Variants in PSG6 observed in about 807,000 individuals in gnomAD.
PSG6 encodes the protein pregnancy specific beta-1-glycoprotein 6.
Under a neutral mutation model 43.3 loss-of-function variants are expected in PSG6, and 51 were observed. The observed-to-expected ratio is 1.18, with a 90% CI of 0.94 to 1.49. The LOEUF (loss-of-function observed/expected upper bound fraction) is 1.49. Ranked by LOEUF, PSG6 falls within the 40% of genes most tolerant of loss-of-function variation. The probability of loss-of-function intolerance (pLI) is 0.00; values close to 1 mark genes in which losing one functional copy is unlikely to be tolerated. For missense variants in PSG6, 770 were observed against 522.2 expected (o/e 1.47, Z -4.62); for synonymous variants, 292 against 197.6 (o/e 1.48, Z -4.01).
chr19:42,913,268 G>A (rs1417998841), intron 2 of PSG6, among the ~76,000 whole-genome samples: 6 of 151,094 alleles, frequency 4.0e-5, no homozygotes, highest in African/African-American at 9.7e-5. Context: ...CTCCTGCCTC[G>A]GCCTCCCAAG....
At chr19:42,909,276 A>G (rs1370085225) in intron 3 of PSG6, among the ~76,000 whole-genome samples, 1 of 151,140 alleles carries the variant, frequency 6.6e-6, no homozygotes, top group Non-Finnish European at 1.5e-5. Flanking sequence ...GCCATGCTGC[A>G]CTCGTATATT....
intron 5 of PSG6, among the ~76,000 whole-genome samples, chr19:42,906,000 T>A (rs1972105090): frequency 6.6e-6 from 1 of 151,600 alleles, no homozygotes; most frequent in African/African-American, 2.4e-5. Flanking sequence ...GATAGTGTGA[T>A]AGTTACACAA....
intron 2 of PSG6, among the ~76,000 whole-genome samples, chr19:42,913,528 A>T (rs1175452314): frequency 6.6e-6 from 1 of 151,674 alleles, no homozygotes; most frequent in East Asian, 1.9e-4. Flanking sequence ...ACAAATTTCA[A>T]GCTTGTTTTA....
Position 42,911,972 on chromosome 19 carries a change from T to A in PSG6, c.428-1114A>T, listed in dbSNP as rs1016716730. On this transcript the variant is annotated intron_variant, in intron 2 of 5. Coordinates refer to ENST00000187910, the MANE Select transcript of PSG6 (RefSeq NM_001031850.4). Reference sequence around the variant, plus strand: ...GCAGGATGAGGAGGTTCTAGAGATCTCCTGTGCAGCCTCGTGCCTATACTT... The same window carrying A: ...GCAGGATGAGGAGGTTCTAGAGATCACCTGTGCAGCCTCGTGCCTATACTT... 8.0e-4 allele frequency among the ~76,000 whole-genome samples: 121 copies of A among 151,588 alleles called. 3 individuals are homozygous for A. Among genetic ancestry groups the A allele is most frequent in the Non-Finnish European group, 4.7e-4 (32 of 67,898 alleles).
intron 2 of PSG6, among the ~76,000 whole-genome samples, chr19:42,912,056 A>T (rs1271875594): frequency 1.3e-5 from 2 of 151,452 alleles, no homozygotes; most frequent in South Asian, 2.1e-4. Context: ...TGGATTTCTA[A>T]TTTTTTTTAT....
At chr19:42,906,105 G>T (rs779828769) in intron 5 of PSG6, among the ~76,000 whole-genome samples, 7 of 151,414 alleles carry the variant, frequency 4.6e-5, no homozygotes, top group African/African-American at 1.5e-4. Flanking sequence ...ACACTTTTTG[G>T]CACTGCCCCT....
chr19:42,910,267 G>C, intron 3 of PSG6: 1 of 584,384 alleles, frequency 1.7e-6, no homozygotes, highest in Non-Finnish European at 2.9e-6. Context: ...GACCCTGTGA[G>C]CCAAGTTGCA....
At position 42,903,765 on chromosome 19, in the gene PSG6, C is replaced by A. The variant is rs1208390474; in HGVS notation, c.1241-1319G>T. The A allele has an allele frequency of 4.7e-6, 7 of 1,500,876 alleles. No individual in the cohort carries two copies. In the African/African-American group the frequency reaches 7.2e-5, roughly 15 times the overall value. 93.0% of individuals were successfully genotyped at this position (1,500,876 alleles called of 1,614,324 possible). On this transcript the variant is annotated intron_variant, in intron 5 of 5. Coordinates refer to ENST00000187910, the MANE Select transcript of PSG6 (RefSeq NM_001031850.4). ...CCAATTAGCTGGGCATGTTGACATG[C>A]ACCTGTAGTCCTAGCATCTTGGGAG...
At position 42,911,586 on chromosome 19, in the gene PSG6, G is replaced by T. The variant is rs574465311; in HGVS notation, c.428-728C>A. On this transcript the variant is annotated intron_variant, in intron 2 of 5. Transcript: ENST00000187910. ...GGCCCAAGACCATGATCCCTGTTCT[G>T]GGTCCATGATGCTCCCTTCCCCCTG... Among the ~76,000 whole-genome samples the T allele has an allele frequency of 2.0e-5, 3 of 151,784 alleles. No homozygotes were observed. In the South Asian group the frequency reaches 6.3e-4, roughly 32 times the overall value.
In PSG6 at chr19:42,907,724, G is replaced by T; in HGVS notation, c.837C>A (p.Leu279=). The T allele has an allele frequency of 6.2e-7, 1 of 1,610,810 alleles. No homozygotes were observed. Among genetic ancestry groups the T allele is most frequent in the Non-Finnish European group, 8.5e-7 (1 of 1,179,120 alleles). Residue 279 remains leucine (L), a synonymous_variant, in exon 4 of 6, where the codon CTC becomes CTA. Coordinates refer to ENST00000187910, the MANE Select transcript of PSG6 (RefSeq NM_001031850.4). ...TYIWWLNGQS[L]PVSPRVKRPI... ...GTCGCTTTACCCTCGGACTGACCGG[G>T]AGGCTCTGACCATTTAGCCACCAAA...
chr19:42,907,780 A>T lies in PSG6; in HGVS notation c.781T>A (p.Cys261Ser), dbSNP rs752862323. 2 of 1,611,116 alleles carry T rather than the reference A, an allele frequency of 1.2e-6. No individual in the cohort carries two copies. Among genetic ancestry groups the T allele is most frequent in the South Asian group, 2.2e-5 (2 of 90,760 alleles). The part of the protein sequence containing the change: ...REKKDVLAFT[C>S]EPKSRNYTYI... Reference sequence around the variant, plus strand: ...GTGTAGTTCCGACTCTTAGGTTCACAGGTGAAGGCTAACACATCCTTCTTC... The same window carrying T: ...GTGTAGTTCCGACTCTTAGGTTCACTGGTGAAGGCTAACACATCCTTCTTC... Residue 261 changes from cysteine (C) to serine (S), a missense_variant, in exon 4 of 6, where the codon TGT (cysteine) becomes AGT (serine). Physicochemically the swap from Cys to Ser is moderately radical, Grantham distance 112. Coordinates refer to ENST00000187910, the MANE Select transcript of PSG6 (RefSeq NM_001031850.4).
At chr19:42,916,953 C>G (rs1972348169) in intron 1 of PSG6, among the ~76,000 whole-genome samples, 2 of 151,434 alleles carry the variant, frequency 1.3e-5, no homozygotes, top group South Asian at 4.2e-4. Context: ...GTCTTCCTCC[C>G]CATGAGAGTG....
Position 42,907,840 on chromosome 19 carries a change from G to C in PSG6, c.721C>G (p.Pro241Ala). Residue 241 changes from proline (P) to alanine (A), a missense_variant, in exon 4 of 6, where the codon CCT (proline) becomes GCT (alanine). Physicochemically the swap from Pro to Ala is conservative, Grantham distance 27 (BLOSUM62 -1). Coordinates refer to ENST00000187910, the MANE Select transcript of PSG6 (RefSeq NM_001031850.4). ...TLNLLPKLPM[P>A]YITINNLNPR... Reference sequence around the variant, plus strand: ...TTTAAGTTGTTGATGGTGATGTAAGGCATGGGCAGCTTCGCTGTGTGGATA... The same window carrying C: ...TTTAAGTTGTTGATGGTGATGTAAGCCATGGGCAGCTTCGCTGTGTGGATA... The C allele has an allele frequency of 6.2e-7, 1 of 1,611,526 alleles. No homozygotes were observed.
rs2190688 is a variant in PSG6 at position 42,917,787 on chromosome 19, T to C, written c.6A>G (p.Gly2=). The C allele has an allele frequency of 7.7e-4, 1,245 of 1,608,774 alleles. 28 individuals are homozygous for C. In the African/African-American group the frequency reaches 0.013, roughly 17 times the overall value. ...GAGTGCAGGGAGGGGCTGAGAGGGGTCCCATGGTCTCTGCTGTCTGTGTGT... is the reference window on the plus strand; with the variant it reads ...GAGTGCAGGGAGGGGCTGAGAGGGGCCCCATGGTCTCTGCTGTCTGTGTGT... M[G]PLSAPPCTQH... is the part of the protein sequence containing the mutation. Residue 2 remains glycine (G), a synonymous_variant, in exon 1 of 6, where the codon GGA becomes GGG. Transcript: ENST00000187910.
intron 3 of PSG6, among the ~76,000 whole-genome samples, chr19:42,908,316 C>G (rs1366280002): frequency 6.6e-6 from 1 of 151,688 alleles, no homozygotes; most frequent in Non-Finnish European, 1.5e-5. Flanking sequence ...TCCCATTGTC[C>G]TGAAACCCTG....
rs1247552669 is a variant in PSG6, at chr19:42,916,631, G to T, written c.65-144C>A. The T allele has an allele frequency of 1.6e-6, 2 of 1,286,614 alleles. 1 individual carries two copies. The highest frequency in any genetic ancestry group is 2.1e-6 in the Non-Finnish European group (2 of 931,318). 79.7% of individuals were successfully genotyped at this position (1,286,614 alleles called of 1,614,324 possible). On this transcript the variant is annotated intron_variant, in intron 1 of 5. Transcript: ENST00000187910. ...ACATACAAACACACACACACAAAAG[G>T]GCATGTGTGTTTGTGTGTGTGTATG...
rs532429257 is a variant in PSG6, at chr19:42,913,919, A to C, written c.427+2206T>G. Among the ~76,000 whole-genome samples the C allele has an allele frequency of 1.1e-3, 174 of 151,422 alleles. 5 individuals carry two copies. The highest frequency in any genetic ancestry group is 1.3e-3 in the Admixed American group (19 of 15,166). ...GAAACTATCCTTGAAAATCTCTAAC[A>C]CCTGATCCACTGGGGAGGCTGATTT... On this transcript the variant is annotated intron_variant, in intron 2 of 5. Transcript: ENST00000187910.
rs1196026587 is a variant in PSG6 at position 42,914,028 on chromosome 19, AATTTT to A, written c.427+2092_427+2096del. 2.0e-5 allele frequency among the ~76,000 whole-genome samples: 3 copies of A among 151,580 alleles called. 1 individual carries two copies. The highest frequency in any genetic ancestry group is 4.4e-5 in the Non-Finnish European group (3 of 67,912). Reference sequence around the variant, plus strand: ...TTTACTGCAAACCACCATTTCAATAAATTTTATTTTATTTTATATTTTTTTGTGTG... The same window carrying A: ...TTTACTGCAAACCACCATTTCAATAAATTTTATTTTATATTTTTTTGTGTG... On this transcript the variant is annotated intron_variant, in intron 2 of 5. Transcript: ENST00000187910.
rs554061091 is a variant in PSG6 at position 42,915,714 on chromosome 19, G to T, written c.427+411C>A. Reference sequence around the variant, plus strand: ...GCTCCTCAGCTTTACCTGGAGCAAGGATTTAGGGACAGGGGTCTGGGATTG... The same window carrying T: ...GCTCCTCAGCTTTACCTGGAGCAAGTATTTAGGGACAGGGGTCTGGGATTG... On this transcript the variant is annotated intron_variant, in intron 2 of 5. Coordinates refer to ENST00000187910, the MANE Select transcript of PSG6 (RefSeq NM_001031850.4). 1.8e-4 allele frequency: 48 copies of T among 273,210 alleles called. 2 individuals are homozygous for T. The highest frequency in any genetic ancestry group is 1.0e-3 in the African/African-American group (46 of 45,672). 16.9% of individuals were successfully genotyped at this position (273,210 alleles called of 1,614,324 possible). A position where few individuals can be genotyped will look rare whatever the true frequency, so the allele number is the denominator to read the frequency against.
Sources: allele counts gnomAD v4.1 joint callset (sites outside exome capture counted in the v4.1 genomes callset), GRCh38; gene constraint gnomAD v4.1.1; transcripts MANE v1.5; gene names NCBI Gene and HGNC (gene_info 2026-07-23, HGNC 2026-07-21).